Variants in MACROD2 observed in about 807,000 individuals in gnomAD.
The protein encoded by MACROD2 is ADP-ribose glycohydrolase MACROD2.
Under a neutral mutation model 70.4 loss-of-function variants are expected in MACROD2, and 36 were observed. That is an observed-to-expected ratio of 0.51 (90% CI 0.39 to 0.68). The LOEUF is 0.68. MACROD2 is among the 30% of genes least tolerant of loss of function. The pLI, the probability that MACROD2 is intolerant of heterozygous loss-of-function variation, is 0.00. For synonymous variants in MACROD2, 172 were observed against 178.8 expected, an observed-to-expected ratio of 0.96 and a Z score of 0.30; for missense variants, 496 against 538.4, an observed-to-expected ratio of 0.92 and a Z score of 0.78.
At chr20:15,901,102 C>T (rs2065056866) in intron 10 of MACROD2, among the ~76,000 whole-genome samples, 1 of 152,166 alleles carries the variant, frequency 6.6e-6, no homozygotes, top group African/African-American at 2.4e-5. Flanking sequence ...TTTTTAAATG[C>T]ATTGCTTGCA....
At chr20:14,960,630 A>G (rs1032935974) in intron 5 of MACROD2, among the ~76,000 whole-genome samples, 3 of 152,206 alleles carry the variant, frequency 2.0e-5, no homozygotes, top group East Asian at 1.9e-4. Context: ...AGATCCAACT[A>G]TGATACTTTT....
chr20:16,033,100 T>G (rs2067176992), intron 15 of MACROD2, among the ~76,000 whole-genome samples: 2 of 152,102 alleles, frequency 1.3e-5, no homozygotes, highest in South Asian at 4.1e-4. Flanking sequence ...GTAAAATAGC[T>G]ACATGTTAAT....
chr20:15,072,823 T>G (rs1482418417), intron 5 of MACROD2, among the ~76,000 whole-genome samples: 3 of 152,200 alleles, frequency 2.0e-5, no homozygotes. Flanking sequence ...TTGCTATAAT[T>G]TGAATGTGTC....
At chr20:14,222,811 C>A (rs1242298341) in intron 3 of MACROD2, among the ~76,000 whole-genome samples, 1 of 52,758 alleles carries the variant, frequency 1.9e-5, no homozygotes, top group Non-Finnish European at 3.2e-5. Flanking sequence ...CTTTGGATTT[C>A]TGAAAAAAAA....
chr20:15,778,741 A>C (rs2051776613), intron 8 of MACROD2, among the ~76,000 whole-genome samples: 1 of 152,078 alleles, frequency 6.6e-6, no homozygotes, highest in African/African-American at 2.4e-5. Flanking sequence ...CCATTTCAGC[A>C]TGAGAAGGGA....
chr20:15,961,932 A>G (rs2147393101), intron 12 of MACROD2, among the ~76,000 whole-genome samples: 1 of 152,322 alleles, frequency 6.6e-6, no homozygotes, highest in East Asian at 1.9e-4. Flanking sequence ...TACTGAAATA[A>G]CCAAGTCACA....
chr20:15,936,128 A>G (rs2065655346), intron 11 of MACROD2, among the ~76,000 whole-genome samples: 1 of 151,740 alleles, frequency 6.6e-6, no homozygotes, highest in African/African-American at 2.4e-5. Flanking sequence ...CCCTGCTACT[A>G]CATAAAAAAC....
chr20:15,827,647 G>C (rs1193740216), intron 8 of MACROD2, among the ~76,000 whole-genome samples: 1 of 152,142 alleles, frequency 6.6e-6, no homozygotes, highest in African/African-American at 2.4e-5. Flanking sequence ...GTTGAGGGGG[G>C]ACTTTGGGAG....
intron 5 of MACROD2, among the ~76,000 whole-genome samples, chr20:15,142,537 G>C (rs1278295808): frequency 6.6e-6 from 1 of 151,748 alleles, no homozygotes; most frequent in Non-Finnish European, 1.5e-5. Flanking sequence ...TATACTTTAA[G>C]TTCTAGGGTA....
chr20:15,785,117 A>G (rs1281613503), intron 8 of MACROD2, among the ~76,000 whole-genome samples: 1 of 148,100 alleles, frequency 6.8e-6, no homozygotes, highest in African/African-American at 2.5e-5. Flanking sequence ...GCGCCGCTGC[A>G]CTCCAGCCTG....
At chr20:15,822,510 G>A (rs1348698756) in intron 8 of MACROD2, among the ~76,000 whole-genome samples, 2 of 152,112 alleles carry the variant, frequency 1.3e-5, no homozygotes, top group African/African-American at 4.8e-5. Context: ...GAAACTGAAA[G>A]TTATTGTGCA....
chr20:14,629,571 A>G (rs1984384745), intron 4 of MACROD2, among the ~76,000 whole-genome samples: 1 of 152,204 alleles, frequency 6.6e-6, no homozygotes, highest in Non-Finnish European at 1.5e-5. Context: ...AAATGTGTAG[A>G]GTATTTCAGT....
chr20:14,323,697 A>C (rs1187238306), intron 3 of MACROD2: 1 of 152,152 alleles, frequency 6.6e-6, no homozygotes, highest in Admixed American at 6.6e-5. Flanking sequence ...AAAATATATC[A>C]CTTTGAAGAT....
chr20:15,964,177 T>C (rs1485184843), intron 12 of MACROD2, among the ~76,000 whole-genome samples: 1 of 152,248 alleles, frequency 6.6e-6, no homozygotes, highest in African/African-American at 2.4e-5. Flanking sequence ...GGGTAGTTTA[T>C]AGAACTTACA....
chr20:15,028,523 A>G (rs950442674), intron 5 of MACROD2, among the ~76,000 whole-genome samples: 9 of 152,224 alleles, frequency 5.9e-5, no homozygotes, highest in African/African-American at 2.2e-4. Context: ...GGATGTAACA[A>G]TGAATAGAAA....
intron 5 of MACROD2, among the ~76,000 whole-genome samples, chr20:14,696,693 C>G (rs959749980): frequency 1.3e-5 from 2 of 152,136 alleles, no homozygotes; most frequent in African/African-American, 4.8e-5. Context: ...TCATGAGACA[C>G]AGCCTTAACT....
At chr20:15,663,080 G>A (rs1173825897) in intron 8 of MACROD2, among the ~76,000 whole-genome samples, 1 of 152,086 alleles carries the variant, frequency 6.6e-6, no homozygotes, top group Non-Finnish European at 1.5e-5. Context: ...CTGGCTGTAA[G>A]ACAAACCAGC....
intron 8 of MACROD2, among the ~76,000 whole-genome samples, chr20:15,661,548 G>C (rs1399866696): frequency 6.6e-6 from 1 of 152,116 alleles, no homozygotes; most frequent in Non-Finnish European, 1.5e-5. Flanking sequence ...ATTCACGAGG[G>C]AACAGTCCTA....
intron 13 of MACROD2, among the ~76,000 whole-genome samples, chr20:15,972,502 T>C (rs1017487079): frequency 3.9e-5 from 6 of 152,188 alleles, no homozygotes; most frequent in African/African-American, 1.2e-4. Flanking sequence ...AAGTTACATA[T>C]AGAAGACAAA....
Sources: gnomAD v4.1 joint callset for allele counts (sites outside exome capture counted in the v4.1 genomes callset) on GRCh38, gnomAD v4.1.1 for gene constraint, MANE v1.5 for transcripts, NCBI Gene and HGNC (gene_info 2026-07-23, HGNC 2026-07-21) for gene names.